The following CSDE1 variants were observed in gnomAD, a reference collection of about 807,000 sequenced individuals.
CSDE1 encodes the protein cold shock domain containing E1.
CSDE1 carries 17 observed loss-of-function variants against 89.3 expected under a neutral mutation model. That is an observed-to-expected ratio of 0.19 (90% CI 0.13 to 0.29). CSDE1 has a LOEUF of 0.29. Among genes scored for constraint, CSDE1 ranks in the 10% least tolerant of loss-of-function variants. CSDE1 has a pLI of 1.00. For missense variants in CSDE1, 672 were observed against 984.2 expected, an observed-to-expected ratio of 0.68 and a Z score of 4.24; for synonymous variants, 322 against 332.8, an observed-to-expected ratio of 0.97 and a Z score of 0.35.
In CSDE1 at chr1:114,725,267, G is replaced by A. The variant is rs748625560; in HGVS notation, c.1707C>T (p.Gly569=). Residue 569 remains glycine, a synonymous_variant, in exon 15 of 20, where the codon GGC becomes GGT. Transcript: ENST00000358528. The part of the protein sequence containing the change: ...GDMVEYSLSK[G]KGNKVSAEKV... ...TTTCTGCACTGACTTTGTTGCCTTT[G>A]CCTTTGGACAAGCTATACTCGACCA... The A allele has an allele frequency of 1.7e-5, 28 of 1,614,104 alleles. No individual in the cohort carries two copies. In the South Asian group the frequency reaches 2.5e-4, roughly 15 times the overall value.
intron 17 of CSDE1, 83 bp downstream of exon 17, chr1:114,720,456 T>TA: frequency 7.8e-7 from 1 of 1,280,594 alleles, no homozygotes; most frequent in South Asian, 1.7e-5. Flanking sequence ...GTTGATGATT[T>TA]CCCCTTGGCT....
chr1:114,745,212 T>C (rs12130524), intron 2 of CSDE1, among the ~76,000 whole-genome samples: 21,618 of 152,234 alleles, frequency 0.14, 2,127 homozygotes, highest in Non-Finnish European at 0.21. Flanking sequence ...TTTTTCTTAA[T>C]AACTGCATTG....
At position 114,730,323 on chromosome 1, in the gene CSDE1, T is replaced by A; in HGVS notation, c.1291A>T (p.Thr431Ser). The A allele has an allele frequency of 6.2e-7, 1 of 1,614,232 alleles. No homozygotes were observed. The highest frequency in any genetic ancestry group is 1.1e-5 in the South Asian group (1 of 91,088). The change falls in exon 12 of 20, where the codon ACG (threonine) becomes TCG (serine). Residue 431 changes from threonine (T) to serine (S), a missense_variant. Thr to Ser is a moderately conservative substitution (Grantham distance 58, BLOSUM62 1). Coordinates refer to ENST00000358528, the MANE Select transcript of CSDE1 (RefSeq NM_001007553.3). The part of the protein sequence containing the change: ...HSHSDHRFLG[T>S]VEKEATFSNP... ...GAAAAAGTGGCTTCTTTTTCTACCG[T>A]GCCCAGAAAACGGTGATCTGAATGG...
chr1:114,744,698 A>T (rs1220648159), intron 2 of CSDE1, among the ~76,000 whole-genome samples: 2 of 151,666 alleles, frequency 1.3e-5, no homozygotes, highest in African/African-American at 4.8e-5. Context: ...GAAATCAATT[A>T]AAAAAAAATC....
chr1:114,718,931 A>T lies in CSDE1; in HGVS notation c.2217-186T>A, dbSNP rs1198611106. ...GTTTATGTATTATTATCCCCAACTC[A>T]AGGTCCCAACTTAATAGGAATGGAA... On this transcript the variant is annotated intron_variant, in intron 18 of 19. Transcript: ENST00000358528. 4.9e-6 allele frequency: 3 copies of T among 613,146 alleles called. No homozygotes were observed. In the African/African-American group the frequency reaches 5.6e-5, roughly 11 times the overall value. The allele number at this position is 613,146 out of a possible 1,614,324, so 38.0% of individuals were successfully genotyped here. A position where few individuals can be genotyped will look rare whatever the true frequency, so the allele number is the denominator to read the frequency against.
At chr1:114,748,235 C>A (rs1661122409) in intron 2 of CSDE1, 2 of 152,154 alleles carry the variant, frequency 1.3e-5, no homozygotes, top group Non-Finnish European at 2.9e-5. Flanking sequence ...TTTCATTCTT[C>A]ATTTTATTTG....
chr1:114,718,223 G>C lies in CSDE1; in HGVS notation c.2350-7C>G. 3.1e-6 allele frequency: 5 copies of C among 1,611,520 alleles called. No individual in the cohort carries two copies. Among genetic ancestry groups the C allele is most frequent in the Non-Finnish European group, 4.2e-6 (5 of 1,179,228 alleles). On this transcript the variant is annotated splice_region_variant and splice_polypyrimidine_tract_variant and intron_variant, in intron 19 of 19. Transcript: ENST00000358528. ...TTCTTTCTGCACCAAACCCCTGTGGGGGGGAGAAAAAAAAAACCCTGCAGT... is the reference window on the plus strand; with the variant it reads ...TTCTTTCTGCACCAAACCCCTGTGGCGGGGAGAAAAAAAAAACCCTGCAGT...
chr1:114,726,118 C>T (rs748383262), intron 14 of CSDE1, 93 bp downstream of exon 14: 18 of 1,249,920 alleles, frequency 1.4e-5, no homozygotes, highest in Admixed American at 2.6e-5. Flanking sequence ...TGAACCTCAA[C>T]AAGTATAATC....
At chr1:114,753,506 C>G (rs577094644) in intron 1 of CSDE1, among the ~76,000 whole-genome samples, 14 of 152,220 alleles carry the variant, frequency 9.2e-5, no homozygotes, top group Admixed American at 8.5e-4. Flanking sequence ...AATAGCTATC[C>G]ACTCATGCCC....
intron 10 of CSDE1, 48 bp from the exon 11 acceptor site, chr1:114,730,696 G>A: frequency 6.2e-7 from 1 of 1,603,704 alleles, no homozygotes; most frequent in Non-Finnish European, 8.5e-7. Context: ...TGTCAAGAAG[G>A]CAACATTCAA....
At chr1:114,720,757 A>C in intron 16 of CSDE1, 40 bp from the exon 17 acceptor site, 1 of 1,589,006 alleles carries the variant, frequency 6.3e-7, no homozygotes. Flanking sequence ...AGTATTTCAC[A>C]ACAGTCCTCT....
intron 7 of CSDE1, 51 bp downstream of exon 7, chr1:114,734,391 A>G (rs753203854): frequency 1.1e-4 from 158 of 1,502,754 alleles, no homozygotes; most frequent in Non-Finnish European, 1.4e-4. Context: ...TTTGAAGTAC[A>G]ACATTTCAAG....
chr1:114,722,348 C>CTA (rs1296741764), intron 16 of CSDE1, among the ~76,000 whole-genome samples: 1 of 152,204 alleles, frequency 6.6e-6, no homozygotes, highest in East Asian at 1.9e-4. Flanking sequence ...ATAGAACCAT[C>CTA]TAAGGCTGAA....
rs146395780 is a variant in CSDE1 at position 114,719,178 on chromosome 1, G to A, written c.2216+401C>T. Among the ~76,000 whole-genome samples the A allele has an allele frequency of 7.2e-3, 1,093 of 152,204 alleles. 9 individuals carry two copies. The highest frequency in any genetic ancestry group is 0.01 in the Non-Finnish European group (709 of 68,006). ...AATAAAATTGGCTGCATGTGGTGGC[G>A]CATGCTTGTAGTCCCAGCTACTGGG... On this transcript the variant is annotated intron_variant, in intron 18 of 19. Transcript: ENST00000358528.
intron 2 of CSDE1, among the ~76,000 whole-genome samples, chr1:114,747,262 AC>A (rs1440993515): frequency 6.6e-6 from 1 of 151,798 alleles, no homozygotes; most frequent in African/African-American, 2.4e-5. Flanking sequence ...ATTTTACAAA[AC>A]CCCCCTTTAA....
chr1:114,743,719 T>A (rs1660860578), intron 2 of CSDE1, among the ~76,000 whole-genome samples: 1 of 152,220 alleles, frequency 6.6e-6, no homozygotes, highest in South Asian at 2.1e-4. Flanking sequence ...AGACTCTAAG[T>A]TGTTCCCCAA....
chr1:114,730,752 T>C (rs1489107769), intron 10 of CSDE1, 104 bp from the exon 11 acceptor site: 2 of 1,337,794 alleles, frequency 1.5e-6, no homozygotes, highest in Non-Finnish European at 2.1e-6. Flanking sequence ...TTTTCTCTGA[T>C]GTGACACAAA....
rs141543297 is a variant in CSDE1, at chr1:114,722,371, T to C, written c.1873+1512A>G. Among the ~76,000 whole-genome samples, 464 of 152,322 alleles carry C rather than the reference T, an allele frequency of 3.0e-3. 2 individuals carry two copies. The highest frequency in any genetic ancestry group is 9.8e-3 in the African/African-American group (409 of 41,562). On this transcript the variant is annotated intron_variant, in intron 16 of 19. Coordinates refer to ENST00000358528, the MANE Select transcript of CSDE1 (RefSeq NM_001007553.3). Reference sequence around the variant, plus strand: ...ATCTAAGGCTGAAGGTATTACCATTTTAAAGATGAAGAAACTGAGCTAGCA... The same window carrying C: ...ATCTAAGGCTGAAGGTATTACCATTCTAAAGATGAAGAAACTGAGCTAGCA...
chr1:114,719,256 T>C (rs945208977), intron 18 of CSDE1, among the ~76,000 whole-genome samples: 6 of 152,146 alleles, frequency 3.9e-5, no homozygotes, highest in Non-Finnish European at 8.8e-5. Flanking sequence ...CTGCAGTGAG[T>C]CGTGATAGCG....
Sources: gnomAD v4.1 joint callset for allele counts (sites outside exome capture counted in the v4.1 genomes callset) on GRCh38, gnomAD v4.1.1 for gene constraint, MANE v1.5 for transcripts, NCBI Gene and HGNC (gene_info 2026-07-23, HGNC 2026-07-21) for gene names.